KCND3: variants seen among roughly 807,000 people sequenced by gnomAD.
The protein encoded by KCND3 is A-type voltage-gated potassium channel KCND3.
A neutral mutation model predicts 51.1 loss-of-function variants in KCND3; 9 were observed. The ratio of observed to expected loss-of-function variants is 0.18; its 90% CI spans 0.11 to 0.31. The LOEUF (loss-of-function observed/expected upper bound fraction) is 0.31, where lower values mean the gene tolerates loss of function less well. KCND3 is among the 10% of genes least tolerant of loss of function. The pLI, the probability that KCND3 is intolerant of heterozygous loss-of-function variation, is 1.00. For synonymous variants in KCND3, 349 were observed against 368.0 expected (o/e 0.95, Z 0.59); for missense variants, 526 against 903.8 (o/e 0.58, Z 5.36).
intron 2 of KCND3, among the ~76,000 whole-genome samples, chr1:111,826,833 C>T (rs1666601416): frequency 6.6e-6 from 1 of 152,192 alleles, no homozygotes; most frequent in East Asian, 1.9e-4. Context: ...GTTCTAAGTG[C>T]TTCACATTAA....
rs1405002674 is a variant in KCND3 at position 111,776,062 on chromosome 1, C to T, written c.*15G>A. The T allele has an allele frequency of 5.0e-6, 8 of 1,614,070 alleles. No individual in the cohort carries two copies. The highest frequency in any genetic ancestry group is 2.2e-5 in the East Asian group (1 of 44,884). Reference sequence around the variant, plus strand: ...TCATTCCCCACTACCCACTCTGGCCCTCTGTCCAGTGGTTTTACAAGGCGG... The same window carrying T: ...TCATTCCCCACTACCCACTCTGGCCTTCTGTCCAGTGGTTTTACAAGGCGG... On this transcript the variant is annotated 3_prime_UTR_variant, in exon 8 of 8. Coordinates refer to ENST00000302127, the MANE Select transcript of KCND3 (RefSeq NM_001378969.1).
intron 2 of KCND3, among the ~76,000 whole-genome samples, chr1:111,980,782 C>T (rs931547859): frequency 6.6e-6 from 1 of 152,184 alleles, no homozygotes; most frequent in African/African-American, 2.4e-5. Context: ...TGGAAAGCTT[C>T]ACATCCCAGC....
At chr1:111,839,294 T>G (rs1206189684) in intron 2 of KCND3, among the ~76,000 whole-genome samples, 2 of 152,254 alleles carry the variant, frequency 1.3e-5, no homozygotes, top group Admixed American at 6.5e-5. Flanking sequence ...ATTCAAAATT[T>G]GTTCCCTTTG....
chr1:111,777,150 A>T lies in KCND3; in HGVS notation c.1642T>A (p.Ser548Thr). 6.2e-7 allele frequency: 1 copy of T among 1,614,162 alleles called. No homozygotes were observed. The highest frequency in any genetic ancestry group is 8.5e-7 in the Non-Finnish European group (1 of 1,180,038). Residue 548 changes from serine (S) to threonine (T), a missense_variant, in exon 7 of 8, where the codon TCC (serine) becomes ACC (threonine). Coordinates refer to ENST00000302127, the MANE Select transcript of KCND3 (RefSeq NM_001378969.1). ...TGTGTGGTCTTCTTACTACGACGGG[A>T]GCAGCAGGTGGTAGTGAGGCCTGGG... ...SHPGLTTTCC[S>T]RRSKKTTHLP...
intron 2 of KCND3, among the ~76,000 whole-genome samples, chr1:111,813,342 T>C (rs1665942683): frequency 6.6e-6 from 1 of 152,198 alleles, no homozygotes; most frequent in African/African-American, 2.4e-5. Flanking sequence ...ATTACATATT[T>C]TTAAAAAATA....
chr1:111,794,251 A>C (rs1490470973), intron 2 of KCND3, among the ~76,000 whole-genome samples: 2 of 152,240 alleles, frequency 1.3e-5, no homozygotes, highest in Non-Finnish European at 2.9e-5. Context: ...TAAGCTGCAC[A>C]AACCACCTGA....
intron 2 of KCND3, among the ~76,000 whole-genome samples, chr1:111,842,684 G>A (rs1667380921): frequency 6.6e-6 from 1 of 152,248 alleles, no homozygotes; most frequent in African/African-American, 2.4e-5. Flanking sequence ...CTGTAGGACT[G>A]TCTCTGTATG....
intron 2 of KCND3, among the ~76,000 whole-genome samples, chr1:111,815,475 T>C (rs539506697): frequency 2.0e-5 from 3 of 151,114 alleles, no homozygotes; most frequent in African/African-American, 7.3e-5. Flanking sequence ...TAAATGGGTA[T>C]CTGATCAGCC....
At chr1:111,806,126 C>A (rs1665559567) in intron 2 of KCND3, among the ~76,000 whole-genome samples, 1 of 152,186 alleles carries the variant, frequency 6.6e-6, no homozygotes, top group Non-Finnish European at 1.5e-5. Context: ...TGGGTCCTCA[C>A]CTGCCTCCTG....
intron 2 of KCND3, among the ~76,000 whole-genome samples, chr1:111,901,218 T>TGA (rs1224113265): frequency 6.6e-6 from 1 of 152,152 alleles, no homozygotes; most frequent in Non-Finnish European, 1.5e-5. Context: ...ATCTAGCAGC[T>TGA]GCCCCTGGAG....
intron 2 of KCND3, among the ~76,000 whole-genome samples, chr1:111,845,505 C>G (rs1357500014): frequency 6.6e-6 from 1 of 152,160 alleles, no homozygotes; most frequent in Non-Finnish European, 1.5e-5. Flanking sequence ...CCAAATGGAG[C>G]TTTACTGTCT....
At chr1:111,937,793 T>C (rs1056948470) in intron 2 of KCND3, among the ~76,000 whole-genome samples, 14 of 152,176 alleles carry the variant, frequency 9.2e-5, no homozygotes, top group African/African-American at 3.1e-4. Flanking sequence ...TCTCCATCCA[T>C]TCCCTGGGTA....
intron 2 of KCND3, among the ~76,000 whole-genome samples, chr1:111,821,438 CTT>C (rs1373666138): frequency 6.6e-6 from 1 of 152,108 alleles, no homozygotes; most frequent in Non-Finnish European, 1.5e-5. Context: ...CAGCGGGTAT[CTT>C]TGGCACCATT....
At chr1:111,948,417 C>T (rs1042284471) in intron 2 of KCND3, among the ~76,000 whole-genome samples, 1 of 152,228 alleles carries the variant, frequency 6.6e-6, no homozygotes, top group African/African-American at 2.4e-5. Context: ...GGCGGCAGCC[C>T]TGGGAGGTGC....
chr1:111,838,898 A>G (rs1273684289), intron 2 of KCND3, among the ~76,000 whole-genome samples: 1 of 152,130 alleles, frequency 6.6e-6, no homozygotes, highest in Non-Finnish European at 1.5e-5. Flanking sequence ...TAACTTCATT[A>G]ATGTTTTCCT....
intron 2 of KCND3, among the ~76,000 whole-genome samples, chr1:111,830,701 C>T (rs1301139745): frequency 6.6e-6 from 1 of 152,158 alleles, no homozygotes; most frequent in Non-Finnish European, 1.5e-5. Context: ...TCTTCTAATT[C>T]ATTAAAGAGA....
At chr1:111,803,337 A>C (rs1393720853) in intron 2 of KCND3, among the ~76,000 whole-genome samples, 6 of 152,156 alleles carry the variant, frequency 3.9e-5, no homozygotes, top group Non-Finnish European at 7.4e-5. Flanking sequence ...AAGTACATGG[A>C]TGCTTCTCTG....
At chr1:111,975,537 C>A (rs1674581421) in intron 2 of KCND3, among the ~76,000 whole-genome samples, 1 of 152,214 alleles carries the variant, frequency 6.6e-6, no homozygotes, top group African/African-American at 2.4e-5. Context: ...ACCTTGATTT[C>A]TTGCCTGGAT....
chr1:111,776,920 G>A, intron 7 of KCND3, 106 bp downstream of exon 7: 3 of 1,563,122 alleles, frequency 1.9e-6, no homozygotes, highest in South Asian at 1.2e-5. Context: ...CATTAGATAA[G>A]GGGAGCGGCT....
Sources: gnomAD v4.1 joint callset for allele counts (sites outside exome capture counted in the v4.1 genomes callset) on GRCh38, gnomAD v4.1.1 for gene constraint, MANE v1.5 for transcripts, NCBI Gene and HGNC (gene_info 2026-07-23, HGNC 2026-07-21) for gene names.